The following SLC25A26 variants were observed in gnomAD, a reference collection of about 807,000 sequenced individuals.
SLC25A26 encodes the protein mitochondrial S-adenosylmethionine carrier protein.
A neutral mutation model predicts 37.8 loss-of-function variants in SLC25A26; 36 were observed. The ratio of observed to expected loss-of-function variants is 0.95; its 90% CI spans 0.73 to 1.26. SLC25A26 has a LOEUF of 1.26. Among genes scored for constraint, SLC25A26 ranks in the 50% most tolerant of loss-of-function variants. The probability of loss-of-function intolerance (pLI) is 0.00; values close to 1 mark genes in which losing one functional copy is unlikely to be tolerated. For synonymous variants in SLC25A26, 129 were observed against 122.5 expected (o/e 1.05, Z -0.35); for missense variants, 390 against 331.1 (o/e 1.18, Z -1.38).
chr3:66,262,731 A>G (rs1252241462), intron 4 of SLC25A26, among the ~76,000 whole-genome samples: 1 of 152,180 alleles, frequency 6.6e-6, no homozygotes, highest in African/African-American at 2.4e-5. Context: ...GTTATTTGTA[A>G]TGGTGTGTTA....
chr3:66,144,360 A>G (rs1665505527), intron 1 of SLC25A26, among the ~76,000 whole-genome samples: 2 of 152,214 alleles, frequency 1.3e-5, no homozygotes, highest in South Asian at 4.1e-4. Context: ...TTTGGAATAA[A>G]GACAGTGAAA....
chr3:66,253,034 C>CG (rs997326861), intron 3 of SLC25A26, among the ~76,000 whole-genome samples: 3 of 147,798 alleles, frequency 2.0e-5, no homozygotes, highest in East Asian at 2.0e-4. Flanking sequence ...CCCCCCCCCC[C>CG]CCATAAATAT....
chr3:66,340,781 C>T (rs1281055524), intron 5 of SLC25A26, among the ~76,000 whole-genome samples: 1 of 151,994 alleles, frequency 6.6e-6, no homozygotes, highest in East Asian at 1.9e-4. Context: ...GTCAATACTC[C>T]ACCTTTATTA....
intron 5 of SLC25A26, among the ~76,000 whole-genome samples, chr3:66,324,614 T>C (rs1386034818): frequency 6.6e-6 from 1 of 152,176 alleles, no homozygotes; most frequent in East Asian, 1.9e-4. Flanking sequence ...GCTGTTACCA[T>C]CTTTATTTCA....
chr3:66,294,999 TTAAAA>T (rs1251500937), intron 5 of SLC25A26, among the ~76,000 whole-genome samples: 14 of 152,324 alleles, frequency 9.2e-5, no homozygotes, highest in African/African-American at 3.4e-4. Context: ...GTTCTTTATA[TTAAAA>T]TAAAGTTAGA....
chr3:66,350,167 A>C (rs2076416413), intron 6 of SLC25A26, among the ~76,000 whole-genome samples: 1 of 152,208 alleles, frequency 6.6e-6, no homozygotes, highest in Admixed American at 6.5e-5. Flanking sequence ...TTATGTGGGA[A>C]TACCATTCAG....
chr3:66,175,140 T>C (rs1332130970), intron 1 of SLC25A26, among the ~76,000 whole-genome samples: 1,312 of 66,890 alleles, frequency 0.02, 24 homozygotes, highest in African/African-American at 0.066. Flanking sequence ...TATATATATA[T>C]ACACACACAC....
chr3:66,155,988 G>A (rs1426017538), intron 1 of SLC25A26, among the ~76,000 whole-genome samples: 3 of 152,148 alleles, frequency 2.0e-5, no homozygotes, highest in African/African-American at 7.2e-5. Flanking sequence ...AAAAAATGAT[G>A]AATGTCTTAG....
chr3:66,309,553 A>G (rs2075318771), intron 5 of SLC25A26, among the ~76,000 whole-genome samples: 1 of 151,210 alleles, frequency 6.6e-6, no homozygotes, highest in Non-Finnish European at 1.5e-5. Context: ...CTAGCTTTCG[A>G]ATTTGTTTGC....
chr3:66,276,061 G>T (rs946381963), intron 5 of SLC25A26, among the ~76,000 whole-genome samples: 1 of 151,902 alleles, frequency 6.6e-6, no homozygotes, highest in African/African-American at 2.4e-5. Flanking sequence ...AATAGCAATT[G>T]GAATCATTCA....
intron 1 of SLC25A26, among the ~76,000 whole-genome samples, chr3:66,147,580 T>C (rs1003583348): frequency 6.6e-6 from 1 of 152,134 alleles, no homozygotes; most frequent in African/African-American, 2.4e-5. Context: ...TATAATGATA[T>C]CTTTTTCATT....
At chr3:66,292,931 G>A (rs986734515) in intron 5 of SLC25A26, among the ~76,000 whole-genome samples, 1 of 152,086 alleles carries the variant, frequency 6.6e-6, no homozygotes, top group East Asian at 1.9e-4. Flanking sequence ...CCAATCAAAC[G>A]TAGGTTTGGT....
intron 1 of SLC25A26, among the ~76,000 whole-genome samples, chr3:66,228,269 A>G (rs1408377940): frequency 1.3e-5 from 2 of 152,230 alleles, no homozygotes; most frequent in African/African-American, 2.4e-5. Context: ...CTACCCACAG[A>G]TGGGACTACC....
chr3:66,221,319 C>T lies in SLC25A26; in HGVS notation c.33+192C>T, dbSNP rs193253916. 2.8e-3 allele frequency: 532 copies of T among 192,910 alleles called. 4 individuals are homozygous for T. Among genetic ancestry groups the T allele is most frequent in the African/African-American group, 0.012 (518 of 42,224 alleles). 11.9% of individuals were successfully genotyped at this position (192,910 alleles called of 1,614,324 possible). A position where few individuals can be genotyped will look rare whatever the true frequency, so the allele number is the denominator to read the frequency against. On this transcript the variant is annotated intron_variant, in intron 1 of 9. Coordinates refer to ENST00000354883, the MANE Select transcript of SLC25A26 (RefSeq NM_001379210.1). ...GCCAGGTGTTAAGGCTATGTCTGTA[C>T]TGCCAGGTCATAAGAGCCAGGTGGG... is the stretch of plus-strand genomic sequence containing the variant.
chr3:66,301,261 A>G (rs1307948442), intron 5 of SLC25A26, among the ~76,000 whole-genome samples: 2 of 152,384 alleles, frequency 1.3e-5, no homozygotes, highest in Middle Eastern at 6.8e-3. Context: ...GTTAATTTAC[A>G]TACTAGCTGC....
chr3:66,173,921 C>T (rs540244896), intron 1 of SLC25A26, among the ~76,000 whole-genome samples: 5 of 152,026 alleles, frequency 3.3e-5, no homozygotes, highest in Admixed American at 6.6e-5. Context: ...GGCGTGGTGG[C>T]GCATGCCTGT....
rs190351896 is a variant in SLC25A26 at position 66,244,902 on chromosome 3, G to A, written c.300+1590G>A. Among the ~76,000 whole-genome samples the A allele has an allele frequency of 5.3e-5, 8 of 152,086 alleles. No homozygotes were observed. The East Asian group carries it at 9.7e-4, about 18-fold the overall frequency. ...TGAGGCAGGAGAATGGCATGAACCC[G>A]GGAGGCAGAGCTTGCAGTGAGCCGA... On this transcript the variant is annotated intron_variant, in intron 3 of 9. Coordinates refer to ENST00000354883, the MANE Select transcript of SLC25A26 (RefSeq NM_001379210.1).
intron 5 of SLC25A26, among the ~76,000 whole-genome samples, chr3:66,297,460 G>T (rs1320886334): frequency 6.6e-6 from 1 of 151,980 alleles, no homozygotes; most frequent in Non-Finnish European, 1.5e-5. Flanking sequence ...ATTTGTGGCT[G>T]TTCTTTATCA....
chr3:66,292,788 T>G (rs1576810598), intron 5 of SLC25A26, among the ~76,000 whole-genome samples: 1 of 152,198 alleles, frequency 6.6e-6, no homozygotes, highest in Non-Finnish European at 1.5e-5. Flanking sequence ...TCGAGGAGTA[T>G]CTTAGTGGTG....
Sources: gnomAD v4.1 joint callset for allele counts (sites outside exome capture counted in the v4.1 genomes callset) on GRCh38, gnomAD v4.1.1 for gene constraint, MANE v1.5 for transcripts, NCBI Gene and HGNC (gene_info 2026-07-23, HGNC 2026-07-21) for gene names.